Variants in ATG2A observed in about 807,000 individuals in gnomAD.
ATG2A encodes autophagy-related protein 2 homolog A.
A neutral mutation model predicts 214.2 loss-of-function variants in ATG2A; 103 were observed. That is an observed-to-expected ratio of 0.48 (90% confidence interval 0.41 to 0.57). ATG2A has a LOEUF of 0.57. Among genes scored for constraint, ATG2A ranks in the 20% least tolerant of loss-of-function variants. The pLI is 0.00. For missense variants in ATG2A, 2,312 were observed against 2,613.2 expected (o/e 0.88, Z 2.51); for synonymous variants, 1,160 against 1,142.1 (o/e 1.02, Z -0.32).
rs1427618972 is a variant in ATG2A, at chr11:64,911,868, C to A, written c.1202G>T (p.Arg401Leu). ...AGCTGGGTGGGCCTGGGCAGAGAGCCGGCGGGAGGCCATGTCGCTGCGCAC... is the reference window on the plus strand; with the variant it reads ...AGCTGGGTGGGCCTGGGCAGAGAGCAGGCGGGAGGCCATGTCGCTGCGCAC... ...SSVRSDMASRRLSAQAHPAGK... is the reference protein window; with the variant it reads ...SSVRSDMASRLLSAQAHPAGK... The change falls in exon 9 of 41, where the codon CGG becomes CTG. Residue 401 changes from arginine to leucine, a missense_variant. Transcript: ENST00000377264. 1.2e-6 allele frequency: 2 copies of A among 1,613,258 alleles called. No individual in the cohort carries two copies. Among genetic ancestry groups the A allele is most frequent in the East Asian group, 2.2e-5 (1 of 44,850 alleles).
chr11:64,900,350 G>C (rs926243284), intron 31 of ATG2A, 144 bp downstream of exon 31: 1 of 1,270,730 alleles, frequency 7.9e-7, no homozygotes. Flanking sequence ...GGACACACTC[G>C]ATACATCTTG....
At chr11:64,915,592 G>A (rs946404964) in intron 1 of ATG2A, among the ~76,000 whole-genome samples, 1 of 152,158 alleles carries the variant, frequency 6.6e-6, no homozygotes, top group Non-Finnish European at 1.5e-5. Context: ...GAAAGCGCCT[G>A]CATTCCACCA....
In ATG2A at chr11:64,907,252, C is replaced by T. The variant is rs1944586292; in HGVS notation, c.2832+3G>A. ...GGGCCCGCCTGCCCGGGGCTGCACT[C>T]ACCTTGGTCTCACAGAGGGCTGTGA... is the stretch of plus-strand genomic sequence containing the variant. On this transcript the variant is annotated splice_donor_region_variant and intron_variant, in intron 19 of 40. Coordinates refer to ENST00000377264, the MANE Select transcript of ATG2A (RefSeq NM_015104.3). 9 of 1,499,442 alleles carry T rather than the reference C, an allele frequency of 6.0e-6. No homozygotes were observed. Among genetic ancestry groups the T allele is most frequent in the African/African-American group, 1.4e-5 (1 of 71,162 alleles). The allele number at this position is 1,499,442 out of a possible 1,614,324, so 92.9% of individuals were successfully genotyped here. A position where few individuals can be genotyped will look rare whatever the true frequency, so the allele number is the denominator to read the frequency against.
At position 64,911,905 on chromosome 11, in the gene ATG2A, G is replaced by A. The variant is rs761611052; in HGVS notation, c.1165C>T (p.Leu389=). ...LSELSLSDVD[L]ASSVRSDMAS... ...ATGTCGCTGCGCACAGAGGAGGCCAGGTCTACATCGGAGAGGGAGAGCTCA... is the reference window on the plus strand; with the variant it reads ...ATGTCGCTGCGCACAGAGGAGGCCAAGTCTACATCGGAGAGGGAGAGCTCA... The change falls in exon 9 of 41, where the codon CTG becomes TTG. Residue 389 remains leucine, a synonymous_variant. Coordinates refer to ENST00000377264, the MANE Select transcript of ATG2A (RefSeq NM_015104.3). 20 of 1,613,542 alleles carry A rather than the reference G, an allele frequency of 1.2e-5. No individual in the cohort carries two copies. The highest frequency in any genetic ancestry group is 1.6e-5 in the Non-Finnish European group (19 of 1,179,862).
chr11:64,913,172 G>C lies in ATG2A; in HGVS notation c.727-36C>G. On this transcript the variant is annotated intron_variant, in intron 5 of 40. Coordinates refer to ENST00000377264, the MANE Select transcript of ATG2A (RefSeq NM_015104.3). The surrounding 1 kb of genome is among the most constrained non-coding windows in gnomAD (Gnocchi z 4.3). ...GGAGGATACAAGAGGGAAAGGTTGA[G>C]AAAATGGAGTCAGAGATGGTCAGAA... is the stretch of plus-strand genomic sequence containing the variant. 1 of 1,599,638 alleles carries C rather than the reference G, an allele frequency of 6.3e-7. No individual in the cohort carries two copies. Among genetic ancestry groups the C allele is most frequent in the Non-Finnish European group, 8.5e-7 (1 of 1,172,168 alleles).
At position 64,910,626 on chromosome 11, in the gene ATG2A, CGGCGCAGGATCTGTGTGTGGCGCAGATG is replaced by C. The variant is rs775496988; in HGVS notation, c.1669_1696del (p.His557ValfsTer56). On this transcript the variant is annotated frameshift_variant, in exon 12 of 41. Transcript: ENST00000377264. LOFTEE classifies it high-confidence loss of function. ...GAGCGGGTGGGTTACCTTAGGCACA[CGGCGCAGGATCTGTGTGTGGCGCAGATG>C]GGCGCAGGGCCGAGCTGAGGCCTGG... is the stretch of plus-strand genomic sequence containing the variant. The C allele has an allele frequency of 6.2e-7, 1 of 1,601,936 alleles. No individual in the cohort carries two copies. Among genetic ancestry groups the C allele is most frequent in the South Asian group, 1.1e-5 (1 of 89,140 alleles).
Position 64,913,175 on chromosome 11 carries a change from A to C in ATG2A, c.727-39T>G. On this transcript the variant is annotated intron_variant, in intron 5 of 40. Coordinates refer to ENST00000377264, the MANE Select transcript of ATG2A (RefSeq NM_015104.3). The surrounding 1 kb of genome is among the most constrained non-coding windows in gnomAD (Gnocchi z 4.3). ...GGATACAAGAGGGAAAGGTTGAGAA[A>C]ATGGAGTCAGAGATGGTCAGAAAGG... The C allele has an allele frequency of 6.2e-7, 1 of 1,600,888 alleles. No homozygotes were observed. Among genetic ancestry groups the C allele is most frequent in the Non-Finnish European group, 8.5e-7 (1 of 1,172,824 alleles).
At position 64,911,907 on chromosome 11, in the gene ATG2A, T is replaced by C; in HGVS notation, c.1163A>G (p.Asp388Gly). The C allele has an allele frequency of 6.2e-7, 1 of 1,613,560 alleles. No individual in the cohort carries two copies. The highest frequency in any genetic ancestry group is 8.5e-7 in the Non-Finnish European group (1 of 1,179,820). ...ALSELSLSDVDLASSVRSDMA... is the reference protein window; with the variant it reads ...ALSELSLSDVGLASSVRSDMA... ...GTCGCTGCGCACAGAGGAGGCCAGG[T>C]CTACATCGGAGAGGGAGAGCTCAGA... The change falls in exon 9 of 41, where the codon GAC becomes GGC. Residue 388 changes from aspartate to glycine, a missense_variant. By Grantham distance (94) the Asp-to-Gly change is moderately conservative (BLOSUM62 -1). Coordinates refer to ENST00000377264, the MANE Select transcript of ATG2A (RefSeq NM_015104.3).
rs759188147 is a variant in ATG2A at position 64,895,370 on chromosome 11, A to C, written c.5500T>G (p.Ser1834Ala). ...PVSRSLQDKRSARRLRRGQQP... is the reference protein window; with the variant it reads ...PVSRSLQDKRAARRLRRGQQP... The stretch of plus-strand genomic sequence containing the variant: ...TGGCCCCTGCGCAGCCTCCGCGCAG[A>C]GCGCTTATCCTGCAGGGAGCGGGAG... Residue 1834 changes from serine to alanine, a missense_variant, in exon 40 of 41, where the codon TCT becomes GCT. Coordinates refer to ENST00000377264, the MANE Select transcript of ATG2A (RefSeq NM_015104.3). This position sits in a 1 kb window ranked among gnomAD's most constrained non-coding sequence, Gnocchi z 5.0. 1 of 1,612,836 alleles carries C rather than the reference A, an allele frequency of 6.2e-7. No homozygotes were observed. The highest frequency in any genetic ancestry group is 1.1e-5 in the South Asian group (1 of 91,006).
At chr11:64,906,619 C>T (rs1353107419) in intron 20 of ATG2A, 46 bp downstream of exon 20, 2 of 1,610,322 alleles carry the variant, frequency 1.2e-6, no homozygotes, top group East Asian at 2.2e-5. Flanking sequence ...AAGCCCTCCA[C>T]CCCCAACCCT....
intron 36 of ATG2A, 61 bp from the exon 37 acceptor site, chr11:64,897,555 G>T: frequency 6.3e-7 from 1 of 1,598,922 alleles, no homozygotes; most frequent in Non-Finnish European, 8.5e-7. Context: ...CTAGCCCATG[G>T]GAGCCACTGG....
chr11:64,904,828 C>T (rs893237380), intron 24 of ATG2A, among the ~76,000 whole-genome samples: 2,364 of 141,322 alleles, frequency 0.017, 68 homozygotes, highest in African/African-American at 0.064. Flanking sequence ...ATCTATCTAT[C>T]TATCTATCTA....
chr11:64,896,128 A>T (rs1359027379), intron 39 of ATG2A, among the ~76,000 whole-genome samples: 2 of 152,230 alleles, frequency 1.3e-5, no homozygotes, highest in East Asian at 3.9e-4. Flanking sequence ...TGAATGAACC[A>T]GGGCAGCCTC....
In ATG2A at chr11:64,898,124, C is replaced by T. The variant is rs761838888; in HGVS notation, c.4820G>A (p.Gly1607Asp). The T allele has an allele frequency of 1.9e-6, 3 of 1,614,100 alleles. No individual in the cohort carries two copies. Among genetic ancestry groups the T allele is most frequent in the Non-Finnish European group, 2.5e-6 (3 of 1,180,024 alleles). ...CTCCCCTGGGACCACGGGGTTGATG[C>T]CGGCCACCAGACTAGTGAAGAAGTC... ...LKDFFTSLVA[G>D]INPVVPGETS... is the part of the protein sequence containing the mutation. The change falls in exon 34 of 41, where the codon GGC becomes GAC. Residue 1607 changes from glycine (G) to aspartate (D), a missense_variant. Physicochemically the swap from Gly to Asp is moderately conservative, Grantham distance 94 (BLOSUM62 -1). Transcript: ENST00000377264. This position sits in a 1 kb window ranked among gnomAD's most constrained non-coding sequence, Gnocchi z 4.5.
intron 20 of ATG2A, 64 bp from the exon 21 acceptor site, chr11:64,906,597 C>T (rs1944561135): frequency 1.9e-6 from 3 of 1,608,684 alleles, no homozygotes; most frequent in Non-Finnish European, 2.5e-6. Flanking sequence ...CCAGGGCCCA[C>T]ATCCGTCCTG....
chr11:64,902,550 CG>C lies in ATG2A; in HGVS notation c.3742del (p.Arg1248GlyfsTer90). ...GGCGATCTCCGTGGGGCTGGGGGGC[CG>C]GGGTGGGGGGTGCAGATCGCCTGTG... ...MSTGDLHPPP[R>X]PPSPTEIAGQ... On this transcript the variant is annotated frameshift_variant, in exon 27 of 41. Transcript: ENST00000377264. LOFTEE classifies it high-confidence loss of function. 3.2e-6 allele frequency: 2 copies of C among 624,986 alleles called. No individual in the cohort carries two copies. The highest frequency in any genetic ancestry group is 5.5e-6 in the Non-Finnish European group (2 of 362,158). 38.7% of individuals were successfully genotyped at this position (624,986 alleles called of 1,614,324 possible).
chr11:64,898,611 G>A lies in ATG2A; in HGVS notation c.4671+25C>T. 1.2e-6 allele frequency: 2 copies of A among 1,606,452 alleles called. No homozygotes were observed. The highest frequency in any genetic ancestry group is 1.7e-6 in the Non-Finnish European group (2 of 1,173,410). On this transcript the variant is annotated intron_variant, in intron 32 of 40. Coordinates refer to ENST00000377264, the MANE Select transcript of ATG2A (RefSeq NM_015104.3). This position sits in a 1 kb window ranked among gnomAD's most constrained non-coding sequence, Gnocchi z 4.5. ...CCAACGGTCTGGTGCCCTGCCCCAGGGTGGATGGTGCAGGTCGCTCATACC... is the reference window on the plus strand; with the variant it reads ...CCAACGGTCTGGTGCCCTGCCCCAGAGTGGATGGTGCAGGTCGCTCATACC...
chr11:64,906,995 C>T (rs746618562), intron 19 of ATG2A, among the ~76,000 whole-genome samples, 180 bp from the exon 20 acceptor site: 4 of 152,328 alleles, frequency 2.6e-5, no homozygotes, highest in South Asian at 2.1e-4. Flanking sequence ...TAATCTCTGC[C>T]GGGTCTGCCC....
chr11:64,897,296 G>A, intron 37 of ATG2A, 116 bp downstream of exon 37: 4 of 1,252,394 alleles, frequency 3.2e-6, no homozygotes, highest in Non-Finnish European at 4.5e-6. Flanking sequence ...TTTTACAGAG[G>A]AGAAACTGAG....
Sources: gnomAD v4.1 joint callset for allele counts (sites outside exome capture counted in the v4.1 genomes callset) on GRCh38, gnomAD v4.1.1 for gene constraint, Gnocchi (gnomAD v3.1) non-coding constraint, MANE v1.5 for transcripts, NCBI Gene and HGNC (gene_info 2026-07-23, HGNC 2026-07-21) for gene names.